The following PRKCB variants were observed in gnomAD, a reference collection of about 807,000 sequenced individuals.
PRKCB encodes the protein protein kinase C beta type.
Under a neutral mutation model 81.5 loss-of-function variants are expected in PRKCB, and 13 were observed. That is an observed-to-expected ratio of 0.16 (90% CI 0.10 to 0.25). The LOEUF (loss-of-function observed/expected upper bound fraction) is 0.25. Among genes scored for constraint, PRKCB ranks in the 10% least tolerant of loss-of-function variants. The pLI is 1.00. For synonymous variants in PRKCB, 335 were observed against 321.4 expected (o/e 1.04, Z -0.45); for missense variants, 509 against 875.7 (o/e 0.58, Z 5.29).
At chr16:24,108,244 G>A (rs899114677) in intron 7 of PRKCB, among the ~76,000 whole-genome samples, 2 of 143,482 alleles carry the variant, frequency 1.4e-5, no homozygotes, top group African/African-American at 5.2e-5. Context: ...TATGGGATTA[G>A]GTTACAGTGT....
intron 5 of PRKCB, among the ~76,000 whole-genome samples, chr16:24,064,361 G>T (rs1004803397): frequency 6.6e-6 from 1 of 152,054 alleles, no homozygotes; most frequent in Non-Finnish European, 1.5e-5. Flanking sequence ...GAATATTTTT[G>T]AATTTTCATG....
rs568566806 is a variant in PRKCB, at chr16:24,097,151, C to T, written c.821+2854C>T. Among the ~76,000 whole-genome samples the T allele has an allele frequency of 4.6e-5, 7 of 151,282 alleles. No homozygotes were observed. In the South Asian group the frequency reaches 1.5e-3, roughly 32 times the overall value. ...TCCTGGGTTCAAGCAATTCTCCTGCCTCAGCCTCCCGAGTAGCTGGGACTA... is the reference window on the plus strand; with the variant it reads ...TCCTGGGTTCAAGCAATTCTCCTGCTTCAGCCTCCCGAGTAGCTGGGACTA... On this transcript the variant is annotated intron_variant, in intron 7 of 16. Coordinates refer to ENST00000643927, the MANE Select transcript of PRKCB (RefSeq NM_002738.7).
intron 2 of PRKCB, among the ~76,000 whole-genome samples, chr16:23,879,132 C>T (rs1220629663): frequency 6.6e-6 from 1 of 151,544 alleles, no homozygotes; most frequent in Non-Finnish European, 1.5e-5. Flanking sequence ...GAGCTGAGAG[C>T]GTGTCACTGC....
rs1239521945 is a variant in PRKCB at position 24,021,237 on chromosome 16, T to C, written c.289-10899T>C. Among the ~76,000 whole-genome samples the C allele has an allele frequency of 2.2e-4, 28 of 125,670 alleles. 5 individuals are homozygous for C. The highest frequency in any genetic ancestry group is 3.1e-4 in the African/African-American group (10 of 31,954). The allele number at this position is 125,670 out of a possible 152,430, so 82.4% of individuals were successfully genotyped here. On this transcript the variant is annotated intron_variant, in intron 3 of 16. Coordinates refer to ENST00000643927, the MANE Select transcript of PRKCB (RefSeq NM_002738.7). Reference sequence around the variant, plus strand: ...TTCTTTCTTTCTTTCTTTCTTTCCTTCCTTCCTTCCTTCTTCCTTTCTTCC... The same window carrying C: ...TTCTTTCTTTCTTTCTTTCTTTCCTCCCTTCCTTCCTTCTTCCTTTCTTCC...
chr16:24,041,482 A>G (rs1965696846), intron 5 of PRKCB, among the ~76,000 whole-genome samples: 2 of 151,886 alleles, frequency 1.3e-5, no homozygotes, highest in Non-Finnish European at 2.9e-5. Flanking sequence ...CCTCATATCT[A>G]TCTCCCAAAA....
chr16:24,122,688 A>G (rs917030705), intron 8 of PRKCB, among the ~76,000 whole-genome samples: 1 of 152,056 alleles, frequency 6.6e-6, no homozygotes, highest in Non-Finnish European at 1.5e-5. Context: ...TCAAACTTCT[A>G]TCCTCAATCG....
chr16:23,952,347 C>T (rs1964294747), intron 2 of PRKCB, among the ~76,000 whole-genome samples: 1 of 152,166 alleles, frequency 6.6e-6, no homozygotes, highest in Non-Finnish European at 1.5e-5. Flanking sequence ...TGTGCACGCA[C>T]GTCAGGGGTT....
At chr16:23,873,169 A>AC (rs1567297339) in intron 2 of PRKCB, among the ~76,000 whole-genome samples, 1,503 of 108,462 alleles carry the variant, frequency 0.014, 42 homozygotes, top group East Asian at 0.052. Flanking sequence ...CTCTACTAAA[A>AC]ACACACACAC....
intron 7 of PRKCB, among the ~76,000 whole-genome samples, chr16:24,096,652 CAAA>C (rs1219127854): frequency 0.029 from 1,203 of 40,988 alleles, 11 homozygotes; most frequent in East Asian, 0.045. Flanking sequence ...CTTCCTATGG[CAAA>C]AAAAAAAAAA....
Position 24,218,979 on chromosome 16 carries a change from C to G in PRKCB, c.*4163C>G, listed in dbSNP as rs2141998388. 1.0e-6 allele frequency: 1 copy of G among 985,350 alleles called. No homozygotes were observed. The highest frequency in any genetic ancestry group is 1.2e-6 in the Non-Finnish European group (1 of 829,916). The allele number at this position is 985,350 out of a possible 1,614,324, so 61.0% of individuals were successfully genotyped here. A position where few individuals can be genotyped will look rare whatever the true frequency, so the allele number is the denominator to read the frequency against. ...CTGCCTGCTTGTGCCTCGGTTCTCTCATATGTCATATATAGGAGGTGAGGA... is the reference window on the plus strand; with the variant it reads ...CTGCCTGCTTGTGCCTCGGTTCTCTGATATGTCATATATAGGAGGTGAGGA... On this transcript the variant is annotated 3_prime_UTR_variant, in exon 17 of 17. Coordinates refer to ENST00000643927, the MANE Select transcript of PRKCB (RefSeq NM_002738.7).
intron 5 of PRKCB, among the ~76,000 whole-genome samples, chr16:24,085,032 G>A (rs1966294993): frequency 6.6e-6 from 1 of 151,892 alleles, no homozygotes; most frequent in Admixed American, 6.6e-5. Context: ...CCACTGGTCA[G>A]AAGCGATTGA....
At chr16:23,836,406 G>A in intron 1 of PRKCB, 58 bp downstream of exon 1, 1 of 1,566,962 alleles carries the variant, frequency 6.4e-7, no homozygotes, top group Non-Finnish European at 8.6e-7. Flanking sequence ...CCGCGCCAGG[G>A]ACCCCCTCTC....
intron 10 of PRKCB, among the ~76,000 whole-genome samples, chr16:24,167,379 G>A (rs968303367): frequency 4.6e-5 from 7 of 152,132 alleles, no homozygotes; most frequent in Admixed American, 6.6e-5. Flanking sequence ...GGGCAACATG[G>A]CAAAACCCTG....
At chr16:24,064,067 A>C (rs1966004753) in intron 5 of PRKCB, among the ~76,000 whole-genome samples, 1 of 152,166 alleles carries the variant, frequency 6.6e-6, no homozygotes, top group Non-Finnish European at 1.5e-5. Flanking sequence ...TGATTGTCTC[A>C]GCCAGGAGAA....
At chr16:24,158,649 T>TGTATATGTATAA (rs1211367054) in intron 10 of PRKCB, among the ~76,000 whole-genome samples, 8 of 151,550 alleles carry the variant, frequency 5.3e-5, no homozygotes, top group Non-Finnish European at 1.5e-5. Context: ...TGTATGTGTG[T>TGTATATGTATAA]GTATATGTAT....
intron 3 of PRKCB, among the ~76,000 whole-genome samples, chr16:23,993,254 A>G (rs1264853507): frequency 6.6e-6 from 1 of 152,228 alleles, no homozygotes; most frequent in Non-Finnish European, 1.5e-5. Context: ...GGTGGAAGTA[A>G]CATGAAGTTG....
chr16:24,078,811 C>T (rs147898346), intron 5 of PRKCB, among the ~76,000 whole-genome samples: 130 of 152,192 alleles, frequency 8.5e-4, no homozygotes, highest in African/African-American at 2.9e-3. Context: ...TGTGGAGCAA[C>T]GCTGGGAACT....
At chr16:24,121,416 G>A (rs1966797065) in intron 8 of PRKCB, among the ~76,000 whole-genome samples, 1 of 152,100 alleles carries the variant, frequency 6.6e-6, no homozygotes, top group Admixed American at 6.5e-5. Flanking sequence ...TTGCTCTGTT[G>A]CCCAGACTGG....
rs931661735 is a variant in PRKCB at position 24,185,374 on chromosome 16, C to T, written c.1615-86C>T. 6 of 1,333,500 alleles carry T rather than the reference C, an allele frequency of 4.5e-6. No individual in the cohort carries two copies. In the East Asian group the frequency reaches 1.4e-4, roughly 31 times the overall value. 82.6% of individuals were successfully genotyped at this position (1,333,500 alleles called of 1,614,324 possible). A position where few individuals can be genotyped will look rare whatever the true frequency, so the allele number is the denominator to read the frequency against. On this transcript the variant is annotated intron_variant, in intron 14 of 16. Transcript: ENST00000643927. ...GGGTGTGTGGCTTCACTGTGGGCCC[C>T]AGGGAGGAGGGTCTGCCAGTTGAGG... is the stretch of plus-strand genomic sequence containing the variant.
Sources: allele counts gnomAD v4.1 joint callset (sites outside exome capture counted in the v4.1 genomes callset), GRCh38; gene constraint gnomAD v4.1.1; transcripts MANE v1.5; gene names NCBI Gene and HGNC (gene_info 2026-07-23, HGNC 2026-07-21).